The following NOS1AP variants were observed in gnomAD, a reference collection of about 807,000 sequenced individuals.
NOS1AP encodes nitric oxide synthase 1 adaptor protein, also known as carboxyl-terminal PDZ ligand of neuronal nitric oxide synthase protein.
In NOS1AP, 21 loss-of-function variants were observed where a neutral mutation model predicts 56.2. The observed-to-expected ratio is 0.37, with a 90% CI of 0.26 to 0.54. The LOEUF (loss-of-function observed/expected upper bound fraction) is 0.54, where lower values mean the gene tolerates loss of function less well. Among genes scored for constraint, NOS1AP ranks in the 20% least tolerant of loss-of-function variants. The probability of loss-of-function intolerance (pLI) is 0.84; values close to 1 mark genes in which losing one functional copy is unlikely to be tolerated. For missense variants in NOS1AP, 522 were observed against 657.8 expected, an observed-to-expected ratio of 0.79 and a Z score of 2.26; for synonymous variants, 270 against 274.6, an observed-to-expected ratio of 0.98 and a Z score of 0.17.
chr1:162,215,655 G>T (rs952085978), intron 2 of NOS1AP, among the ~76,000 whole-genome samples: 4 of 152,174 alleles, frequency 2.6e-5, no homozygotes, highest in African/African-American at 9.7e-5. Flanking sequence ...TCTCCCAGCA[G>T]GCCCTTTAGT....
At chr1:162,266,864 C>T (rs890149270) in intron 2 of NOS1AP, among the ~76,000 whole-genome samples, 1 of 152,178 alleles carries the variant, frequency 6.6e-6, no homozygotes, top group Non-Finnish European at 1.5e-5. Context: ...GAAATGACTT[C>T]TCATCTGTGG....
At chr1:162,266,183 G>A (rs1221585186) in intron 2 of NOS1AP, among the ~76,000 whole-genome samples, 1 of 152,172 alleles carries the variant, frequency 6.6e-6, no homozygotes, top group African/African-American at 2.4e-5. Context: ...CTAAAAATGT[G>A]GGTTTCTATG....
chr1:162,323,552 A>C lies in NOS1AP; in HGVS notation c.345-9465A>C, dbSNP rs1656483896. On this transcript the variant is annotated intron_variant, in intron 4 of 9. Transcript: ENST00000361897. ...ACTTCATACAGTTGTTGTGAGGATT[A>C]GATGAGTTTTTGCCTGTAAAGTGCT... Among the ~76,000 whole-genome samples the C allele has an allele frequency of 2.0e-5, 3 of 152,268 alleles. No homozygotes were observed. In the South Asian group the frequency reaches 6.2e-4, roughly 31 times the overall value.
chr1:162,345,608 TA>T (rs1657266537), intron 6 of NOS1AP, among the ~76,000 whole-genome samples: 1 of 152,034 alleles, frequency 6.6e-6, no homozygotes, highest in Admixed American at 6.6e-5. Flanking sequence ...CTCAAAAAGT[TA>T]AAAAACAACA....
intron 1 of NOS1AP, among the ~76,000 whole-genome samples, chr1:162,081,122 A>G (rs1691876470): frequency 6.6e-6 from 1 of 152,200 alleles, no homozygotes; most frequent in Admixed American, 6.5e-5. Context: ...CATTGTTCTA[A>G]GCATTTTACA....
intron 8 of NOS1AP, chr1:162,360,787 C>T (rs1400342397): frequency 2.2e-5 from 10 of 456,232 alleles, no homozygotes; most frequent in East Asian, 6.9e-5. Flanking sequence ...GAGACAGCGG[C>T]GCCTGCCTCT....
intron 2 of NOS1AP, among the ~76,000 whole-genome samples, chr1:162,258,262 T>C (rs763122115): frequency 1.2e-4 from 19 of 152,330 alleles, no homozygotes; most frequent in Middle Eastern, 3.4e-3. Flanking sequence ...TTTTCTTACT[T>C]GTCTCTGAGC....
chr1:162,350,435 C>A (rs1000692471), intron 6 of NOS1AP, among the ~76,000 whole-genome samples: 1 of 152,216 alleles, frequency 6.6e-6, no homozygotes, highest in Non-Finnish European at 1.5e-5. Context: ...AGCAGCTGCC[C>A]TTGGCCATCC....
intron 2 of NOS1AP, among the ~76,000 whole-genome samples, chr1:162,217,170 C>G (rs940203618): frequency 1.3e-5 from 2 of 151,784 alleles, no homozygotes; most frequent in East Asian, 1.9e-4. Context: ...GGGAAACAAG[C>G]CTATACGACT....
At chr1:162,093,408 A>T (rs1352847262) in intron 1 of NOS1AP, among the ~76,000 whole-genome samples, 1 of 152,064 alleles carries the variant, frequency 6.6e-6, no homozygotes, top group Non-Finnish European at 1.5e-5. Flanking sequence ...GACTTTTTAG[A>T]ATTATTTTGG....
chr1:162,213,298 C>A (rs1294307696), intron 2 of NOS1AP, among the ~76,000 whole-genome samples: 1 of 152,192 alleles, frequency 6.6e-6, no homozygotes, highest in Non-Finnish European at 1.5e-5. Context: ...GTCTGAGACC[C>A]TTTCCTTCTC....
chr1:162,222,746 G>C (rs1652822409), intron 2 of NOS1AP, among the ~76,000 whole-genome samples: 1 of 152,092 alleles, frequency 6.6e-6, no homozygotes, highest in Admixed American at 6.6e-5. Flanking sequence ...TTTTATGTTG[G>C]CCATGATGAG....
At chr1:162,082,502 A>G (rs1172165620) in intron 1 of NOS1AP, among the ~76,000 whole-genome samples, 3 of 152,168 alleles carry the variant, frequency 2.0e-5, no homozygotes, top group African/African-American at 7.2e-5. Context: ...TAGGTCTTTG[A>G]GGAATTGCCA....
intron 2 of NOS1AP, among the ~76,000 whole-genome samples, chr1:162,285,632 C>T (rs1571190516): frequency 6.6e-6 from 1 of 152,150 alleles, no homozygotes. Flanking sequence ...AGATGCGCCT[C>T]TTCTTCTCTG....
chr1:162,211,850 A>C lies in NOS1AP; in HGVS notation c.177+57374A>C, dbSNP rs1200511447. Among the ~76,000 whole-genome samples the C allele has an allele frequency of 3.9e-5, 6 of 152,314 alleles. No homozygotes were observed. The East Asian group carries it at 1.2e-3, about 29-fold the overall frequency. ...CGGAGGGACTGGCTGAATTAGCAGCAGCTGGCCCTGAATCATCCTTGGGAG... is the reference window on the plus strand; with the variant it reads ...CGGAGGGACTGGCTGAATTAGCAGCCGCTGGCCCTGAATCATCCTTGGGAG... On this transcript the variant is annotated intron_variant, in intron 2 of 9. Transcript: ENST00000361897.
At chr1:162,211,007 C>T (rs1652331983) in intron 2 of NOS1AP, among the ~76,000 whole-genome samples, 1 of 152,184 alleles carries the variant, frequency 6.6e-6, no homozygotes, top group South Asian at 2.1e-4. Context: ...TGGTCTCTTG[C>T]TACTCTGGTC....
rs748111283 is a variant in NOS1AP, at chr1:162,154,488, G to A, written c.177+12G>A. 6 of 1,613,786 alleles carry A rather than the reference G, an allele frequency of 3.7e-6. No homozygotes were observed. The Admixed American group carries it at 6.7e-5, about 18-fold the overall frequency. ...TGCGCCGGATACGGGTGAGTGGCCA[G>A]AGGTGGACTGTGTGGAGCGGGGAGT... On this transcript the variant is annotated intron_variant, in intron 2 of 9. Transcript: ENST00000361897.
chr1:162,126,495 A>G (rs926709161), intron 1 of NOS1AP, among the ~76,000 whole-genome samples: 6 of 150,842 alleles, frequency 4.0e-5, no homozygotes, highest in African/African-American at 9.8e-5. Flanking sequence ...GATGATGTTA[A>G]CCTTCACAGT....
At chr1:162,218,784 T>C (rs143889277) in intron 2 of NOS1AP, among the ~76,000 whole-genome samples, 1 of 152,264 alleles carries the variant, frequency 6.6e-6, no homozygotes, top group African/African-American at 2.4e-5. Context: ...ACTCACTGCT[T>C]GCCTGGTGTT....
Sources: gnomAD v4.1 joint callset for allele counts (sites outside exome capture counted in the v4.1 genomes callset) on GRCh38, gnomAD v4.1.1 for gene constraint, MANE v1.5 for transcripts, NCBI Gene and HGNC (gene_info 2026-07-23, HGNC 2026-07-21) for gene names.